ZBTB16: variants seen among roughly 807,000 people sequenced by gnomAD.
The protein encoded by ZBTB16 is zinc finger and BTB domain-containing protein 16.
In ZBTB16, 8 loss-of-function variants were observed where a neutral mutation model predicts 56.8. The observed-to-expected ratio is 0.14, with a 90% CI of 0.08 to 0.25. The LOEUF is 0.25. ZBTB16 is among the 10% of genes least tolerant of loss of function. The probability of loss-of-function intolerance (pLI) is 1.00; values close to 1 mark genes in which losing one functional copy is unlikely to be tolerated. For missense variants in ZBTB16, 625 were observed against 903.0 expected (o/e 0.69, Z 3.95); for synonymous variants, 363 against 368.5 (o/e 0.98, Z 0.17).
rs1943961649 is a variant in ZBTB16, at chr11:114,209,952, C to T, written c.1453+22914C>T. 6.1e-6 allele frequency: 6 copies of T among 985,264 alleles called. No homozygotes were observed. The South Asian group carries it at 1.4e-4, about 23-fold the overall frequency. 61.0% of individuals were successfully genotyped at this position (985,264 alleles called of 1,614,324 possible). A position where few individuals can be genotyped will look rare whatever the true frequency, so the allele number is the denominator to read the frequency against. On this transcript the variant is annotated intron_variant, in intron 4 of 6. Coordinates refer to ENST00000335953, the MANE Select transcript of ZBTB16 (RefSeq NM_006006.6). ...GCCACAGGAACAAAGAAATTTCTAGCCCTGGTGCTGCTACTTATTAGGAGC... is the reference window on the plus strand; with the variant it reads ...GCCACAGGAACAAAGAAATTTCTAGTCCTGGTGCTGCTACTTATTAGGAGC...
At chr11:114,168,550 A>G (rs1414281678) in intron 3 of ZBTB16, among the ~76,000 whole-genome samples, 1 of 152,246 alleles carries the variant, frequency 6.6e-6, no homozygotes, top group Non-Finnish European at 1.5e-5. Flanking sequence ...CGTTTTGCAG[A>G]TGAGGACAGT....
chr11:114,117,951 T>G (rs1191554199), intron 2 of ZBTB16, among the ~76,000 whole-genome samples: 2 of 152,186 alleles, frequency 1.3e-5, no homozygotes, highest in Non-Finnish European at 2.9e-5. Flanking sequence ...AGGTCTGGGT[T>G]CGTGAGCTAT....
At chr11:114,182,662 G>A (rs890881847) in intron 3 of ZBTB16, among the ~76,000 whole-genome samples, 3 of 152,248 alleles carry the variant, frequency 2.0e-5, no homozygotes, top group East Asian at 1.9e-4. Context: ...AGGTCCATGC[G>A]CACCCGCTGT....
chr11:114,174,759 A>T (rs1385422994), intron 3 of ZBTB16, among the ~76,000 whole-genome samples: 1 of 152,230 alleles, frequency 6.6e-6, no homozygotes, highest in Non-Finnish European at 1.5e-5. Context: ...TATGCAAGTT[A>T]TCTGCTGACA....
intron 2 of ZBTB16, among the ~76,000 whole-genome samples, chr11:114,139,318 A>T (rs778260859): frequency 1.1e-4 from 16 of 152,124 alleles, no homozygotes; most frequent in Non-Finnish European, 1.5e-4. Flanking sequence ...ATTCCCTGGC[A>T]TCTCATGACT....
rs115054051 is a variant in ZBTB16 at position 114,136,216 on chromosome 11, G to T, written c.1269-20121G>T. 2.3e-3 allele frequency among the ~76,000 whole-genome samples: 347 copies of T among 152,186 alleles called. 2 individuals carry two copies. Among genetic ancestry groups the T allele is most frequent in the African/African-American group, 7.1e-3 (296 of 41,522 alleles). On this transcript the variant is annotated intron_variant, in intron 2 of 6. Coordinates refer to ENST00000335953, the MANE Select transcript of ZBTB16 (RefSeq NM_006006.6). ...CCTGGGTGTAGTTTTTAAAATAAGC[G>T]AATTCTCCTAGAAGTGTTAAAAATG...
chr11:114,190,867 A>G (rs1943476657), intron 4 of ZBTB16, among the ~76,000 whole-genome samples: 1 of 152,208 alleles, frequency 6.6e-6, no homozygotes, highest in African/African-American at 2.4e-5. Flanking sequence ...GGTAATTTAC[A>G]AAGAGGTTTA....
At chr11:114,174,462 C>T (rs2135021162) in intron 3 of ZBTB16, among the ~76,000 whole-genome samples, 1 of 152,240 alleles carries the variant, frequency 6.6e-6, no homozygotes, top group African/African-American at 2.4e-5. Flanking sequence ...GGGCGGATCA[C>T]CTGAGATCAG....
At chr11:114,077,958 A>T (rs1939628691) in intron 2 of ZBTB16, among the ~76,000 whole-genome samples, 5 of 152,210 alleles carry the variant, frequency 3.3e-5, no homozygotes, top group Admixed American at 3.3e-4. Context: ...GGAGTAGATT[A>T]CTTGATAAAT....
At chr11:114,206,517 GAGTC>G (rs1216508718) in intron 4 of ZBTB16, among the ~76,000 whole-genome samples, 1 of 152,182 alleles carries the variant, frequency 6.6e-6, no homozygotes, top group Non-Finnish European at 1.5e-5. Context: ...GGCCGTCTGT[GAGTC>G]AGGGTCTGCA....
At chr11:114,117,606 G>A (rs1412448288) in intron 2 of ZBTB16, among the ~76,000 whole-genome samples, 7 of 152,156 alleles carry the variant, frequency 4.6e-5, no homozygotes, top group Admixed American at 1.3e-4. Context: ...TGGATGGTGG[G>A]AATAGAGAAG....
chr11:114,137,717 C>A (rs536474399), intron 2 of ZBTB16, among the ~76,000 whole-genome samples: 2 of 151,860 alleles, frequency 1.3e-5, no homozygotes, highest in Non-Finnish European at 2.9e-5. Flanking sequence ...TGACCATGCC[C>A]TTTTTTTTGG....
intron 4 of ZBTB16, among the ~76,000 whole-genome samples, chr11:114,205,565 G>A (rs896365463): frequency 7.9e-5 from 12 of 152,182 alleles, no homozygotes; most frequent in Non-Finnish European, 1.6e-4. Flanking sequence ...TGCATTGTCA[G>A]ATGGGACGCA....
intron 2 of ZBTB16, among the ~76,000 whole-genome samples, chr11:114,124,820 T>C (rs1941459724): frequency 6.6e-6 from 1 of 152,194 alleles, no homozygotes; most frequent in South Asian, 2.1e-4. Flanking sequence ...GACGCAGGTA[T>C]TGAATGACCA....
chr11:114,184,502 A>G (rs1345785262), intron 3 of ZBTB16, among the ~76,000 whole-genome samples: 2 of 152,212 alleles, frequency 1.3e-5, no homozygotes, highest in Non-Finnish European at 2.9e-5. Flanking sequence ...TCCACAAAAC[A>G]TCTTTGCAGA....
chr11:114,209,786 G>A (rs1453560909), intron 4 of ZBTB16: 5 of 985,318 alleles, frequency 5.1e-6, no homozygotes, highest in Non-Finnish European at 6.0e-6. Flanking sequence ...CCAGGGATAA[G>A]CTTTAGGAAA....
At chr11:114,077,586 G>A (rs941519373) in intron 2 of ZBTB16, among the ~76,000 whole-genome samples, 2 of 152,078 alleles carry the variant, frequency 1.3e-5, no homozygotes. Flanking sequence ...CAGTGGGTCC[G>A]AAATCTCAGA....
At chr11:114,157,978 C>T (rs776036453) in intron 3 of ZBTB16, among the ~76,000 whole-genome samples, 7 of 151,926 alleles carry the variant, frequency 4.6e-5, no homozygotes, top group Non-Finnish European at 7.4e-5. Flanking sequence ...TTTCTGCGTC[C>T]GGATCTGCTT....
At chr11:114,168,490 A>G (rs1253893156) in intron 3 of ZBTB16, among the ~76,000 whole-genome samples, 1 of 152,198 alleles carries the variant, frequency 6.6e-6, no homozygotes, top group Non-Finnish European at 1.5e-5. Context: ...TGTGTTCTGC[A>G]TATCTGAACT....
Sources: allele counts gnomAD v4.1 joint callset (sites outside exome capture counted in the v4.1 genomes callset), GRCh38; gene constraint gnomAD v4.1.1; transcripts MANE v1.5; gene names NCBI Gene and HGNC (gene_info 2026-07-23, HGNC 2026-07-21).